The following IPO4 variants were observed in gnomAD, a reference collection of about 807,000 sequenced individuals.
IPO4 encodes importin-4.
A neutral mutation model predicts 133.5 loss-of-function variants in IPO4; 91 were observed. The ratio of observed to expected loss-of-function variants is 0.68; its 90% CI spans 0.58 to 0.81. The LOEUF is 0.81. Ranked by LOEUF, IPO4 falls within the 30% of genes least tolerant of loss-of-function variation. The pLI, the probability that IPO4 is intolerant of heterozygous loss-of-function variation, is 0.00. For missense variants in IPO4, 1,279 were observed against 1,386.2 expected (o/e 0.92, Z 1.23); for synonymous variants, 607 against 581.6 (o/e 1.04, Z -0.63).
chr14:24,186,270 C>T lies in IPO4; in HGVS notation c.1005+17G>A. The T allele has an allele frequency of 1.2e-6, 2 of 1,603,884 alleles. No individual in the cohort carries two copies. Among genetic ancestry groups the T allele is most frequent in the Non-Finnish European group, 1.7e-6 (2 of 1,173,284 alleles). On this transcript the variant is annotated intron_variant, in intron 10 of 29. Transcript: ENST00000354464. ...GCCACCTAACACCTTCCCCCTCTGTCCTGCCCCACATCTCACTTGTACAGC... is the reference window on the plus strand; with the variant it reads ...GCCACCTAACACCTTCCCCCTCTGTTCTGCCCCACATCTCACTTGTACAGC...
At chr14:24,186,012 C>G in intron 11 of IPO4, 42 bp from the exon 12 acceptor site, 1 of 1,600,156 alleles carries the variant, frequency 6.2e-7, no homozygotes, top group Non-Finnish European at 8.6e-7. Flanking sequence ...CCAGCAAGAG[C>G]CTGCCCATTC....
chr14:24,186,465 G>A lies in IPO4; in HGVS notation c.841-14C>T, dbSNP rs1018175638. The A allele has an allele frequency of 1.3e-6, 2 of 1,558,500 alleles. No individual in the cohort carries two copies. The highest frequency in any genetic ancestry group is 1.4e-5 in the African/African-American group (1 of 73,380). On this transcript the variant is annotated splice_polypyrimidine_tract_variant and intron_variant, in intron 9 of 29. Transcript: ENST00000354464. Reference sequence around the variant, plus strand: ...CTTCAGTAAGGCCTTGACAGAGAAGGTGGAACAGTGTCCCTAAGAATCTGC... The same window carrying A: ...CTTCAGTAAGGCCTTGACAGAGAAGATGGAACAGTGTCCCTAAGAATCTGC...
chr14:24,180,294 G>A lies in IPO4; in HGVS notation c.*148C>T, dbSNP rs1387378533. ...CTCATTTGTAACAGATCCAGCCTCA[G>A]GGACAGCCCTGTAAGGCAGCAAGTG... On this transcript the variant is annotated 3_prime_UTR_variant, in exon 30 of 30. Coordinates refer to ENST00000354464, the MANE Select transcript of IPO4 (RefSeq NM_024658.4). 2.0e-6 allele frequency: 3 copies of A among 1,518,960 alleles called. No homozygotes were observed. Among genetic ancestry groups the A allele is most frequent in the African/African-American group, 1.4e-5 (1 of 72,600 alleles). The allele number at this position is 1,518,960 out of a possible 1,614,324, so 94.1% of individuals were successfully genotyped here. A position where few individuals can be genotyped will look rare whatever the true frequency, so the allele number is the denominator to read the frequency against.
At position 24,180,738 on chromosome 14, in the gene IPO4, C is replaced by T; in HGVS notation, c.3066G>A (p.Glu1022=). The change falls in exon 29 of 30, where the codon GAG becomes GAA. Residue 1022 remains glutamate (E), a synonymous_variant. Transcript: ENST00000354464. ...SPDQVIDVAP[E]LLRICSLILA... ...GAATGAGGCTGCAGATACGCAGAAG[C>T]TCGGGAGCCACATCTATAACCTGTG... 1 of 1,614,018 alleles carries T rather than the reference C, an allele frequency of 6.2e-7. No homozygotes were observed. The highest frequency in any genetic ancestry group is 8.5e-7 in the Non-Finnish European group (1 of 1,180,026).
chr14:24,187,382 C>G lies in IPO4; in HGVS notation c.588+18G>C. Reference sequence around the variant, plus strand: ...CATGAGGAAAGGGAGTCAAAGATAACGAGGGCCCACATCTCACCACATCTT... The same window carrying G: ...CATGAGGAAAGGGAGTCAAAGATAAGGAGGGCCCACATCTCACCACATCTT... On this transcript the variant is annotated intron_variant, in intron 6 of 29. Coordinates refer to ENST00000354464, the MANE Select transcript of IPO4 (RefSeq NM_024658.4). The G allele has an allele frequency of 1.9e-6, 3 of 1,611,712 alleles. No homozygotes were observed. The highest frequency in any genetic ancestry group is 2.5e-6 in the Non-Finnish European group (3 of 1,178,096).
rs768650306 is a variant in IPO4 at position 24,187,628 on chromosome 14, C to A, written c.408+39G>T. On this transcript the variant is annotated intron_variant, in intron 5 of 29. Transcript: ENST00000354464. ...GAGCAAGCTTACAAGGTCTATCCAG[C>A]CTCTCAGGCCCTCCCTCCTGCCAAC... The A allele has an allele frequency of 8.7e-6, 14 of 1,613,530 alleles. No homozygotes were observed. In the African/African-American group the frequency reaches 1.6e-4, roughly 18 times the overall value.
chr14:24,188,142 G>A (rs891982415), intron 4 of IPO4, 74 bp downstream of exon 4: 2 of 1,484,452 alleles, frequency 1.3e-6, no homozygotes, highest in Admixed American at 1.9e-5. Flanking sequence ...ACAAGTCCCA[G>A]CCTGGAGCCG....
intron 19 of IPO4, 47 bp downstream of exon 19, chr14:24,183,736 C>T (rs760242804): frequency 6.2e-7 from 1 of 1,614,160 alleles, no homozygotes; most frequent in East Asian, 2.2e-5. Flanking sequence ...AGGCCCTTGT[C>T]TAAAGCCAAA....
At chr14:24,183,947 T>A in intron 18 of IPO4, 49 bp from the exon 19 acceptor site, 1 of 1,613,516 alleles carries the variant, frequency 6.2e-7, no homozygotes, top group Non-Finnish European at 8.5e-7. Context: ...GCCCAGGAGA[T>A]AAATCCCATT....
rs201942934 is a variant in IPO4 at position 24,188,444 on chromosome 14, C to T, written c.157-21G>A. The T allele has an allele frequency of 3.1e-3, 5,063 of 1,610,044 alleles. 12 individuals carry two copies. Among genetic ancestry groups the T allele is most frequent in the Non-Finnish European group, 3.7e-3 (4,355 of 1,179,694 alleles). ...CGGATCTAGGACGAGGAAGCAAGCA[C>T]GTGGGGGTCCGGGCAGGAAGGTGCT... On this transcript the variant is annotated intron_variant, in intron 2 of 29. Transcript: ENST00000354464.
chr14:24,183,403 C>CACAG (rs1347625097), intron 21 of IPO4, 48 bp from the exon 22 acceptor site: 1 of 1,594,144 alleles, frequency 6.3e-7, no homozygotes, highest in Non-Finnish European at 8.6e-7. Context: ...GCACCGTGAA[C>CACAG]ACAGGGCCCC....
At chr14:24,185,716 C>A (rs2039210369) in intron 12 of IPO4, 145 bp downstream of exon 12, 1 of 913,320 alleles carries the variant, frequency 1.1e-6, no homozygotes. Context: ...AGCTGGTAAG[C>A]CATGTCATTT....
At position 24,184,079 on chromosome 14, in the gene IPO4, C is replaced by T. The variant is rs762817039; in HGVS notation, c.1788G>A (p.Leu596=). 5 of 1,612,818 alleles carry T rather than the reference C, an allele frequency of 3.1e-6. No homozygotes were observed. Among genetic ancestry groups the T allele is most frequent in the African/African-American group, 1.3e-5 (1 of 74,958 alleles). Residue 596 remains leucine (L), a synonymous_variant, in exon 18 of 30, where the codon CTG becomes CTA. Coordinates refer to ENST00000354464, the MANE Select transcript of IPO4 (RefSeq NM_024658.4). ...AGTGGGGCGCCAGGCCCTCACCCAT[C>T]AGACCCGATAAGGCTGCAAATAGGC... ...TYSLFAALSG[L]MGEGLAPHLE... is the part of the protein sequence containing the mutation.
intron 12 of IPO4, 140 bp from the exon 13 acceptor site, chr14:24,185,707 G>A: frequency 4.3e-6 from 4 of 930,688 alleles, no homozygotes; most frequent in East Asian, 5.1e-5. Flanking sequence ...GGTCCCTATA[G>A]CTGGTAAGCC....
rs748285819 is a variant in IPO4, at chr14:24,188,764, C to T, written c.24G>A (p.Gln8=). MESAGLE[Q]LLRELLLPDT... Reference sequence around the variant, plus strand: ...CCGGTAGCAGCAGCTCCCGTAGGAGCTGCTCTAGCCCGGCTGACTCCATGG... The same window carrying T: ...CCGGTAGCAGCAGCTCCCGTAGGAGTTGCTCTAGCCCGGCTGACTCCATGG... The change falls in exon 1 of 30, where the codon CAG becomes CAA. Residue 8 remains glutamine, a synonymous_variant. Coordinates refer to ENST00000354464, the MANE Select transcript of IPO4 (RefSeq NM_024658.4). 5.3e-6 allele frequency: 8 copies of T among 1,519,388 alleles called. No individual in the cohort carries two copies. In the Admixed American group the frequency reaches 1.3e-4, roughly 25 times the overall value. The allele number at this position is 1,519,388 out of a possible 1,614,324, so 94.1% of individuals were successfully genotyped here.
chr14:24,185,644 T>C (rs1350898545), intron 12 of IPO4, 77 bp from the exon 13 acceptor site: 13 of 1,385,606 alleles, frequency 9.4e-6, no homozygotes, highest in Non-Finnish European at 1.2e-5. Flanking sequence ...CTCTTCATTT[T>C]CCCTGGAAAA....
intron 2 of IPO4, 21 bp downstream of exon 2, chr14:24,188,531 G>A (rs1286427626): frequency 1.2e-6 from 2 of 1,610,366 alleles, no homozygotes; most frequent in Non-Finnish European, 1.7e-6. Context: ...GAAGCTCGGA[G>A]GGGAGAGTCA....
At chr14:24,181,668 C>G in intron 27 of IPO4, 43 bp downstream of exon 27, 2 of 1,612,712 alleles carry the variant, frequency 1.2e-6, no homozygotes, top group Non-Finnish European at 1.7e-6. Flanking sequence ...CACCACCCTC[C>G]CTCCTCAGCT....
Position 24,186,148 on chromosome 14 carries a change from TC to T in IPO4, c.1039del (p.Glu347ArgfsTer7). On this transcript the variant is annotated frameshift_variant, in exon 11 of 30. Transcript: ENST00000354464. LOFTEE classifies it high-confidence loss of function. ...VDMLALHLPPEKLCPQLMPML... is the reference protein window; with the variant it reads ...VDMLALHLPPXKLCPQLMPML... ...ACTTACCAGCTGGGGACAGAGCTTC[TC>T]GGGGGGCAGGTGTAGTGCCAGCATG... 6.2e-7 allele frequency: 1 copy of T among 1,613,904 alleles called. No individual in the cohort carries two copies.
Sources: gnomAD v4.1 joint callset for allele counts on GRCh38, gnomAD v4.1.1 for gene constraint, MANE v1.5 for transcripts, NCBI Gene and HGNC (gene_info 2026-07-23, HGNC 2026-07-21) for gene names.